The following EYA2 variants were observed in gnomAD, a reference collection of about 807,000 sequenced individuals.
EYA2 encodes the protein protein phosphatase EYA2.
EYA2 carries 31 observed loss-of-function variants against 69.2 expected under a neutral mutation model. The ratio of observed to expected loss-of-function variants is 0.45; its 90% CI spans 0.34 to 0.60. EYA2 has a LOEUF of 0.60. Among genes scored for constraint, EYA2 ranks in the 20% least tolerant of loss-of-function variants. The probability of loss-of-function intolerance (pLI) is 0.02; values close to 1 mark genes in which losing one functional copy is unlikely to be tolerated. For missense variants in EYA2, 622 were observed against 701.2 expected (o/e 0.89, Z 1.28); for synonymous variants, 257 against 279.4 (o/e 0.92, Z 0.80).
chr20:47,015,594 G>A (rs538916007), intron 4 of EYA2, among the ~76,000 whole-genome samples: 10 of 152,220 alleles, frequency 6.6e-5, no homozygotes, highest in Middle Eastern at 3.4e-3. Context: ...AAGCTGGCAG[G>A]TAGCATGAAG....
chr20:46,982,720 A>G (rs1431345042), intron 1 of EYA2, among the ~76,000 whole-genome samples: 2 of 150,426 alleles, frequency 1.3e-5, no homozygotes, highest in Admixed American at 6.6e-5. Context: ...CTGTAGTTCA[A>G]CTGATCTATT....
intron 7 of EYA2, among the ~76,000 whole-genome samples, chr20:47,085,819 G>A (rs1280215437): frequency 6.6e-6 from 1 of 152,202 alleles, no homozygotes; most frequent in African/African-American, 2.4e-5. Context: ...AAGCAGTTTA[G>A]TGGTTTTCTG....
chr20:47,115,892 A>G (rs931543557), intron 9 of EYA2, among the ~76,000 whole-genome samples: 1 of 151,298 alleles, frequency 6.6e-6, no homozygotes, highest in South Asian at 2.1e-4. Context: ...TCTTTCACCC[A>G]CCCCCAGCAC....
chr20:47,144,885 C>T (rs536456616), intron 10 of EYA2, among the ~76,000 whole-genome samples: 114 of 152,296 alleles, frequency 7.5e-4, no homozygotes, highest in African/African-American at 2.7e-3. Flanking sequence ...AGAAAACAAA[C>T]AAACAAAAAC....
Position 47,117,719 on chromosome 20 carries a change from C to G in EYA2, c.888+20551C>G, listed in dbSNP as rs191368779. 9.6e-5 allele frequency: 95 copies of G among 984,534 alleles called. No individual in the cohort carries two copies. The African/African-American group carries it at 1.6e-3, about 16-fold the overall frequency. 61.0% of individuals were successfully genotyped at this position (984,534 alleles called of 1,614,324 possible). A position where few individuals can be genotyped will look rare whatever the true frequency, so the allele number is the denominator to read the frequency against. ...ACTATTTGTAGAAGTTGCTAAGGTT[C>G]AAATCAAAAGTGCCCTCTCTCGAGG... On this transcript the variant is annotated intron_variant, in intron 9 of 15. Coordinates refer to ENST00000327619, the MANE Select transcript of EYA2 (RefSeq NM_005244.5).
chr20:46,898,715 G>T (rs975475174), intron 1 of EYA2, among the ~76,000 whole-genome samples: 3 of 152,122 alleles, frequency 2.0e-5, no homozygotes, highest in African/African-American at 2.4e-5. Context: ...GTAAATACTT[G>T]AAGTGACAGT....
chr20:47,051,630 G>T (rs1350901154), intron 5 of EYA2, among the ~76,000 whole-genome samples: 1 of 152,204 alleles, frequency 6.6e-6, no homozygotes, highest in Admixed American at 6.5e-5. Context: ...CCGGACCCCA[G>T]TGTTCCTGGG....
At chr20:46,918,244 C>T (rs576069511) in intron 1 of EYA2, among the ~76,000 whole-genome samples, 1 of 152,128 alleles carries the variant, frequency 6.6e-6, no homozygotes, top group South Asian at 2.1e-4. Context: ...TGGCGTGAAC[C>T]CAGGAGGCGG....
chr20:47,078,357 ACACAC>A (rs1254759651), intron 7 of EYA2, among the ~76,000 whole-genome samples: 74 of 152,076 alleles, frequency 4.9e-4, no homozygotes, highest in African/African-American at 1.8e-3. Flanking sequence ...ACACACACAC[ACACAC>A]ATTCATGCAC....
At chr20:47,068,317 G>C (rs1009700534) in intron 5 of EYA2, among the ~76,000 whole-genome samples, 1 of 152,182 alleles carries the variant, frequency 6.6e-6, no homozygotes, top group African/African-American at 2.4e-5. Flanking sequence ...TTTGTGTAGA[G>C]AAGCCATGTG....
chr20:46,973,912 G>T (rs375066169), intron 1 of EYA2, among the ~76,000 whole-genome samples: 4 of 151,996 alleles, frequency 2.6e-5, no homozygotes, highest in East Asian at 3.9e-4. Context: ...TTTCAATTTC[G>T]GGGTAATGAT....
intron 10 of EYA2, among the ~76,000 whole-genome samples, chr20:47,164,850 G>A (rs959003515): frequency 1.3e-5 from 2 of 152,168 alleles, no homozygotes; most frequent in African/African-American, 4.8e-5. Flanking sequence ...TTTACATATT[G>A]CCCATTGCTT....
chr20:46,937,691 C>T lies in EYA2; in HGVS notation c.-11+42704C>T, dbSNP rs545028572. Among the ~76,000 whole-genome samples the T allele has an allele frequency of 1.7e-4, 23 of 131,716 alleles. No individual in the cohort carries two copies. The South Asian group carries it at 4.6e-3, about 26-fold the overall frequency. 86.4% of individuals were successfully genotyped at this position (131,716 alleles called of 152,430 possible). A position where few individuals can be genotyped will look rare whatever the true frequency, so the allele number is the denominator to read the frequency against. Reference sequence around the variant, plus strand: ...TTTGTCCTTTTTAAATCCAACCTTTCAGGACGTACTTCCAGCAAGGCAATT... The same window carrying T: ...TTTGTCCTTTTTAAATCCAACCTTTTAGGACGTACTTCCAGCAAGGCAATT... On this transcript the variant is annotated intron_variant, in intron 1 of 15. Transcript: ENST00000327619.
chr20:46,908,610 A>C lies in EYA2; in HGVS notation c.-11+13623A>C, dbSNP rs149170105. On this transcript the variant is annotated intron_variant, in intron 1 of 15. Transcript: ENST00000327619. Reference sequence around the variant, plus strand: ...GCAACCGCAGATACCCAGAGAACCCAAACAGGTAAGAATTAGTGGAGTAGG... The same window carrying C: ...GCAACCGCAGATACCCAGAGAACCCCAACAGGTAAGAATTAGTGGAGTAGG... Among the ~76,000 whole-genome samples the C allele has an allele frequency of 3.9e-5, 6 of 152,342 alleles. No individual in the cohort carries two copies. In the East Asian group the frequency reaches 1.2e-3, roughly 29 times the overall value.
At chr20:47,136,006 G>T (rs1184645455) in intron 9 of EYA2, among the ~76,000 whole-genome samples, 1 of 151,756 alleles carries the variant, frequency 6.6e-6, no homozygotes, top group Non-Finnish European at 1.5e-5. Flanking sequence ...GACATAGGTA[G>T]TAGACCTGTC....
intron 1 of EYA2, among the ~76,000 whole-genome samples, chr20:46,928,100 AAC>A (rs905417309): frequency 5.9e-5 from 9 of 152,232 alleles, no homozygotes; most frequent in Non-Finnish European, 1.3e-4. Context: ...ACAAGTGAGG[AAC>A]AGAGACATAA....
chr20:47,107,757 A>G (rs772613771), intron 9 of EYA2, among the ~76,000 whole-genome samples: 14 of 144,740 alleles, frequency 9.7e-5, no homozygotes, highest in Non-Finnish European at 1.9e-4. Flanking sequence ...GAGAAGGAAA[A>G]AGGAGAAGAA....
At chr20:47,187,552 T>G (rs2034670304) in intron 15 of EYA2, among the ~76,000 whole-genome samples, 3 of 152,124 alleles carry the variant, frequency 2.0e-5, no homozygotes, top group Admixed American at 1.3e-4. Context: ...CTGTCAATGC[T>G]GGGGAGGGGT....
intron 14 of EYA2, among the ~76,000 whole-genome samples, chr20:47,183,053 C>T (rs2034568206): frequency 6.6e-6 from 1 of 152,174 alleles, no homozygotes; most frequent in Non-Finnish European, 1.5e-5. Flanking sequence ...CCCTGCGCTG[C>T]CTCCTCCTGC....
Sources: gnomAD v4.1 joint callset for allele counts (sites outside exome capture counted in the v4.1 genomes callset) on GRCh38, gnomAD v4.1.1 for gene constraint, MANE v1.5 for transcripts, NCBI Gene and HGNC (gene_info 2026-07-23, HGNC 2026-07-21) for gene names.